PRKAA1: variants seen among roughly 807,000 people sequenced by gnomAD.
PRKAA1 encodes 5'-AMP-activated protein kinase catalytic subunit alpha-1.
PRKAA1 carries 23 observed loss-of-function variants against 56.9 expected under a neutral mutation model. The ratio of observed to expected loss-of-function variants is 0.40; its 90% CI spans 0.29 to 0.57. PRKAA1 has a LOEUF of 0.57. Among genes scored for constraint, PRKAA1 ranks in the 20% least tolerant of loss-of-function variants. PRKAA1 has a pLI of 0.39. For synonymous variants in PRKAA1, 226 were observed against 227.0 expected (o/e 1.00, Z 0.04); for missense variants, 413 against 679.7 (o/e 0.61, Z 4.36).
At chr5:40,796,821 A>G (rs1437669010) in intron 1 of PRKAA1, among the ~76,000 whole-genome samples, 3 of 152,248 alleles carry the variant, frequency 2.0e-5, no homozygotes, top group Non-Finnish European at 2.9e-5. Flanking sequence ...TACCGTACAG[A>G]CTTTGGCAAA....
intron 1 of PRKAA1, among the ~76,000 whole-genome samples, chr5:40,785,964 G>A (rs1292400489): frequency 6.6e-6 from 1 of 152,040 alleles, no homozygotes; most frequent in East Asian, 1.9e-4. Flanking sequence ...CCACAAGAAG[G>A]TGAAAGAGGG....
chr5:40,798,324 T>A lies in PRKAA1; in HGVS notation c.-135A>T, dbSNP rs1745044983. The A allele has an allele frequency of 4.5e-6, 2 of 447,472 alleles. No individual in the cohort carries two copies. Among genetic ancestry groups the A allele is most frequent in the East Asian group, 4.5e-5 (1 of 22,138 alleles). 27.7% of individuals were successfully genotyped at this position (447,472 alleles called of 1,614,324 possible). A position where few individuals can be genotyped will look rare whatever the true frequency, so the allele number is the denominator to read the frequency against. On this transcript the variant is annotated 5_prime_UTR_variant, in exon 1 of 9. Transcript: ENST00000397128. The stretch of plus-strand genomic sequence containing the variant: ...GCCAGCCCAGGCCCCGCAGCCTACG[T>A]CGGGCGCAGACGCTCCCCCTGGCGG...
chr5:40,783,470 T>C (rs931364839), intron 1 of PRKAA1, among the ~76,000 whole-genome samples: 1 of 151,988 alleles, frequency 6.6e-6, no homozygotes, highest in Non-Finnish European at 1.5e-5. Context: ...AGAAAAAAAA[T>C]TTCCAAGGCC....
rs1019535734 is a variant in PRKAA1 at position 40,771,776 on chromosome 5, A to G, written c.451T>C (p.Leu151=). 12 of 1,613,426 alleles carry G rather than the reference A, an allele frequency of 7.4e-6. No individual in the cohort carries two copies. The highest frequency in any genetic ancestry group is 1.0e-5 in the Non-Finnish European group (12 of 1,179,904). The change falls in exon 4 of 9, where the codon TTG becomes CTG. Residue 151 remains leucine (L), a synonymous_variant. Transcript: ENST00000397128. Reference sequence around the variant, plus strand: ...TCAAGCAGGACATTTTCAGGTTTCAAATCTCTATGGACCACCATATGCCTG... The same window carrying G: ...TCAAGCAGGACATTTTCAGGTTTCAGATCTCTATGGACCACCATATGCCTG... The part of the protein sequence containing the change: ...CHRHMVVHRD[L]KPENVLLDAH...
chr5:40,772,879 C>T (rs1170868701), intron 3 of PRKAA1, among the ~76,000 whole-genome samples: 1 of 152,120 alleles, frequency 6.6e-6, no homozygotes, highest in Non-Finnish European at 1.5e-5. Flanking sequence ...GGCAATCTAC[C>T]GCTTCAGCAT....
intron 1 of PRKAA1, among the ~76,000 whole-genome samples, chr5:40,785,338 C>A (rs753518955): frequency 9.2e-5 from 14 of 152,092 alleles, no homozygotes; most frequent in Non-Finnish European, 1.9e-4. Context: ...CTCCTGGGTT[C>A]AAGCGATTCT....
At position 40,798,279 on chromosome 5, in the gene PRKAA1, C is replaced by T. The variant is rs530758486; in HGVS notation, c.-90G>A. The T allele has an allele frequency of 6.2e-5, 45 of 724,214 alleles. 1 individual carries two copies. In the South Asian group the frequency reaches 1.3e-3, roughly 20 times the overall value. The allele number at this position is 724,214 out of a possible 1,614,324, so 44.9% of individuals were successfully genotyped here. On this transcript the variant is annotated 5_prime_UTR_variant, in exon 1 of 9. Transcript: ENST00000397128. Reference sequence around the variant, plus strand: ...GGGACGCGGGAGGGCAGCCACCGAGCCGAGTCACCGCCCTGCGCCGCCAGC... The same window carrying T: ...GGGACGCGGGAGGGCAGCCACCGAGTCGAGTCACCGCCCTGCGCCGCCAGC...
intron 6 of PRKAA1, among the ~76,000 whole-genome samples, chr5:40,767,177 AG>A (rs1743499222): frequency 6.6e-6 from 1 of 152,144 alleles, no homozygotes; most frequent in Non-Finnish European, 1.5e-5. Flanking sequence ...ATCTTTCATT[AG>A]CTTTTTTGTT....
chr5:40,793,953 T>C (rs1744821337), intron 1 of PRKAA1, among the ~76,000 whole-genome samples: 2 of 152,010 alleles, frequency 1.3e-5, no homozygotes, highest in Non-Finnish European at 1.5e-5. Flanking sequence ...AATACAAAAA[T>C]TAGCAGGACG....
chr5:40,778,779 ATTTTT>A (rs70988808), intron 1 of PRKAA1, among the ~76,000 whole-genome samples: 44 of 57,808 alleles, frequency 7.6e-4, no homozygotes, highest in African/African-American at 3.4e-3. Context: ...CTGTTTTTTA[ATTTTT>A]TTTTTTTTTT....
At position 40,762,808 on chromosome 5, in the gene PRKAA1, A is replaced by G; in HGVS notation, c.1650T>C (p.Cys550=). The G allele has an allele frequency of 6.2e-7, 1 of 1,614,182 alleles. No individual in the cohort carries two copies. Among genetic ancestry groups the G allele is most frequent in the South Asian group, 1.1e-5 (1 of 91,084 alleles). Residue 550 remains cysteine, a synonymous_variant, in exon 9 of 9, where the codon TGT becomes TGC. Transcript: ENST00000397128. ...GTGCAAGAATTTTAATTAGATTTGC[A>G]CACATCTCAAAAAATTCTATTGTGT... ...GSHTIEFFEM[C]ANLIKILAQ is the part of the protein sequence containing the mutation.
intron 3 of PRKAA1, among the ~76,000 whole-genome samples, chr5:40,773,147 G>T (rs866881185): frequency 3.3e-5 from 5 of 152,102 alleles, no homozygotes; most frequent in Non-Finnish European, 5.9e-5. Context: ...AAAGGGCATG[G>T]ATAATATGGG....
intron 1 of PRKAA1, 30 bp downstream of exon 1, chr5:40,798,033 G>A: frequency 6.2e-7 from 1 of 1,602,326 alleles, no homozygotes; most frequent in East Asian, 2.3e-5. Flanking sequence ...TCCTCAGCTG[G>A]GGCCAAGCCT....
rs1206312309 is a variant in PRKAA1 at position 40,760,432 on chromosome 5, C to T, written c.*2346G>A. On this transcript the variant is annotated 3_prime_UTR_variant, in exon 9 of 9. Transcript: ENST00000397128. ...TTGGTTCCTCCTTTTCTTCCCCCCT[C>T]CCCACAACAGCGTATATAGCGCCAT... The T allele has an allele frequency of 6.5e-6, 1 of 152,684 alleles. No homozygotes were observed. The highest frequency in any genetic ancestry group is 1.5e-5 in the Non-Finnish European group (1 of 68,002). The allele number at this position is 152,684 out of a possible 1,614,324, so 9.5% of individuals were successfully genotyped here. A position where few individuals can be genotyped will look rare whatever the true frequency, so the allele number is the denominator to read the frequency against.
intron 6 of PRKAA1, among the ~76,000 whole-genome samples, chr5:40,765,650 C>G (rs1743393930): frequency 6.6e-6 from 1 of 152,080 alleles, no homozygotes; most frequent in African/African-American, 2.4e-5. Context: ...TTACTATATG[C>G]TAAGTTTTAT....
chr5:40,760,099 A>T lies in PRKAA1; in HGVS notation c.*2679T>A, dbSNP rs1743112435. On this transcript the variant is annotated 3_prime_UTR_variant, in exon 9 of 9. Transcript: ENST00000397128. ...AAAAATATAAACTGCTGAAAAGATA[A>T]TAAAAAAAGATTAAAAATCATTTGC... is the stretch of plus-strand genomic sequence containing the variant. 1 of 152,790 alleles carries T rather than the reference A, an allele frequency of 6.5e-6. No homozygotes were observed. Among genetic ancestry groups the T allele is most frequent in the Non-Finnish European group, 1.5e-5 (1 of 68,028 alleles). The allele number at this position is 152,790 out of a possible 1,614,324, so 9.5% of individuals were successfully genotyped here. A position where few individuals can be genotyped will look rare whatever the true frequency, so the allele number is the denominator to read the frequency against.
At chr5:40,789,400 TAC>T (rs1744625241) in intron 1 of PRKAA1, among the ~76,000 whole-genome samples, 1 of 152,188 alleles carries the variant, frequency 6.6e-6, no homozygotes. Flanking sequence ...GGAACACTTA[TAC>T]ACTGCTGGTG....
At chr5:40,772,828 T>G (rs2112019873) in intron 3 of PRKAA1, among the ~76,000 whole-genome samples, 1 of 152,274 alleles carries the variant, frequency 6.6e-6, no homozygotes, top group South Asian at 2.1e-4. Context: ...GAGACAGGAC[T>G]TTGCCATGTT....
In PRKAA1 at chr5:40,798,280, C is replaced by G; in HGVS notation, c.-91G>C. ...GGACGCGGGAGGGCAGCCACCGAGC[C>G]GAGTCACCGCCCTGCGCCGCCAGCC... is the stretch of plus-strand genomic sequence containing the variant. On this transcript the variant is annotated 5_prime_UTR_variant, in exon 1 of 9. Transcript: ENST00000397128. 1.4e-6 allele frequency: 1 copy of G among 719,854 alleles called. No individual in the cohort carries two copies. The highest frequency in any genetic ancestry group is 2.9e-5 in the South Asian group (1 of 34,622). The allele number at this position is 719,854 out of a possible 1,614,324, so 44.6% of individuals were successfully genotyped here.
Sources: allele counts gnomAD v4.1 joint callset (sites outside exome capture counted in the v4.1 genomes callset), GRCh38; gene constraint gnomAD v4.1.1; transcripts MANE v1.5; gene names NCBI Gene and HGNC (gene_info 2026-07-23, HGNC 2026-07-21).